Variants in SH3GL2 observed in about 807,000 individuals in gnomAD.
The protein encoded by SH3GL2 is endophilin-A1.
In SH3GL2, 24 loss-of-function variants were observed where a neutral mutation model predicts 46.0. The ratio of observed to expected loss-of-function variants is 0.52; its 90% CI spans 0.38 to 0.73. The LOEUF (loss-of-function observed/expected upper bound fraction) is 0.73. Ranked by LOEUF, SH3GL2 falls within the 30% of genes least tolerant of loss-of-function variation. SH3GL2 has a pLI of 0.00. For missense variants in SH3GL2, 413 were observed against 424.2 expected, an observed-to-expected ratio of 0.97 and a Z score of 0.23; for synonymous variants, 196 against 147.1, an observed-to-expected ratio of 1.33 and a Z score of -2.40.
intron 1 of SH3GL2, among the ~76,000 whole-genome samples, chr9:17,737,756 C>T (rs1338847643): frequency 1.1e-4 from 17 of 152,094 alleles, no homozygotes; most frequent in Admixed American, 1.0e-3. Flanking sequence ...AGGGTTCCTT[C>T]CTTGACTCAG....
intron 1 of SH3GL2, chr9:17,735,638 A>G: frequency 4.3e-6 from 1 of 234,862 alleles, no homozygotes; most frequent in South Asian, 1.6e-4. Flanking sequence ...ACTTGAGCAT[A>G]TAAGATTTTG....
chr9:17,687,300 G>A (rs1481104865), intron 1 of SH3GL2, among the ~76,000 whole-genome samples: 1 of 152,030 alleles, frequency 6.6e-6, no homozygotes, highest in Non-Finnish European at 1.5e-5. Context: ...GGTATTGAAA[G>A]TTTGCAGTTC....
At chr9:17,672,132 A>G (rs1357211205) in intron 1 of SH3GL2, among the ~76,000 whole-genome samples, 1 of 152,302 alleles carries the variant, frequency 6.6e-6, no homozygotes, top group Middle Eastern at 3.4e-3. Context: ...GGTAAATACA[A>G]TTGTTTAAAG....
chr9:17,784,270 A>C (rs1823894507), intron 3 of SH3GL2, among the ~76,000 whole-genome samples: 1 of 152,204 alleles, frequency 6.6e-6, no homozygotes, highest in African/African-American at 2.4e-5. Flanking sequence ...ATGTGTTTGA[A>C]AATCAGCCAC....
At chr9:17,726,260 A>G (rs1331736289) in intron 1 of SH3GL2, among the ~76,000 whole-genome samples, 1 of 152,100 alleles carries the variant, frequency 6.6e-6, no homozygotes, top group African/African-American at 2.4e-5. Context: ...AGTGACATTT[A>G]GCTTATCTGA....
chr9:17,717,444 C>G (rs1007389864), intron 1 of SH3GL2, among the ~76,000 whole-genome samples: 3 of 151,958 alleles, frequency 2.0e-5, no homozygotes, highest in African/African-American at 7.3e-5. Flanking sequence ...CTTTTGCCCT[C>G]TTCCTTCCCA....
chr9:17,581,700 A>G (rs1205704765), intron 1 of SH3GL2, among the ~76,000 whole-genome samples: 4 of 152,120 alleles, frequency 2.6e-5, no homozygotes, highest in Middle Eastern at 3.4e-3. Context: ...TTGTTTGTTT[A>G]TTTATTTATT....
intron 1 of SH3GL2, among the ~76,000 whole-genome samples, chr9:17,612,745 C>G (rs1818898093): frequency 6.6e-6 from 1 of 152,158 alleles, no homozygotes; most frequent in Non-Finnish European, 1.5e-5. Context: ...GTGTTCACAG[C>G]CTTGTGCACC....
chr9:17,643,331 C>T (rs1046870975), intron 1 of SH3GL2, among the ~76,000 whole-genome samples: 2 of 152,170 alleles, frequency 1.3e-5, no homozygotes, highest in Non-Finnish European at 2.9e-5. Flanking sequence ...ATGTCATCTG[C>T]AGACAATAGT....
At chr9:17,681,347 C>CT (rs1820761667) in intron 1 of SH3GL2, among the ~76,000 whole-genome samples, 1 of 152,004 alleles carries the variant, frequency 6.6e-6, no homozygotes, top group African/African-American at 2.4e-5. Flanking sequence ...TTTTTGTTCT[C>CT]TTTTTCTTTG....
intron 1 of SH3GL2, among the ~76,000 whole-genome samples, chr9:17,725,524 G>C (rs1821999908): frequency 6.6e-6 from 1 of 152,124 alleles, no homozygotes; most frequent in African/African-American, 2.4e-5. Flanking sequence ...TCCTCAGTCA[G>C]CAAGGCAGAA....
intron 1 of SH3GL2, among the ~76,000 whole-genome samples, chr9:17,582,808 C>G (rs145165362): frequency 7.2e-4 from 110 of 152,266 alleles, no homozygotes; most frequent in African/African-American, 2.6e-3. Context: ...TTCGAGGCTG[C>G]CTTCTTAGCT....
At chr9:17,650,652 C>T (rs1232426643) in intron 1 of SH3GL2, among the ~76,000 whole-genome samples, 2 of 152,262 alleles carry the variant, frequency 1.3e-5, no homozygotes, top group Non-Finnish European at 2.9e-5. Flanking sequence ...TCACCACGCT[C>T]GGCCTTGTCT....
intron 1 of SH3GL2, among the ~76,000 whole-genome samples, chr9:17,704,175 C>G (rs980392070): frequency 6.6e-6 from 1 of 151,208 alleles, no homozygotes; most frequent in African/African-American, 2.5e-5. Context: ...AAACCAAGAA[C>G]ACACTCCCAT....
intron 1 of SH3GL2, among the ~76,000 whole-genome samples, chr9:17,687,130 A>T (rs926218387): frequency 4.6e-5 from 7 of 152,118 alleles, no homozygotes; most frequent in Non-Finnish European, 1.0e-4. Context: ...AAAAAATTCT[A>T]AGCCTTTAAA....
chr9:17,695,487 T>C (rs1023012564), intron 1 of SH3GL2, among the ~76,000 whole-genome samples: 2 of 152,076 alleles, frequency 1.3e-5, no homozygotes, highest in South Asian at 2.1e-4. Context: ...AGGTTTTCGG[T>C]GTCACATAAT....
At chr9:17,730,884 G>T (rs565337896) in intron 1 of SH3GL2, among the ~76,000 whole-genome samples, 1 of 152,104 alleles carries the variant, frequency 6.6e-6, no homozygotes, top group Non-Finnish European at 1.5e-5. Context: ...AATATGCTGT[G>T]TAAGGAGAGG....
chr9:17,675,361 A>G lies in SH3GL2; in HGVS notation c.46-71705A>G, dbSNP rs369628892. ...GGAAGTGAAAGACAGTCATTTACCT[A>G]ATGCTCTGAACATCTTTCTTGAGAT... On this transcript the variant is annotated intron_variant, in intron 1 of 8. Coordinates refer to ENST00000380607, the MANE Select transcript of SH3GL2 (RefSeq NM_003026.5). 4.6e-5 allele frequency among the ~76,000 whole-genome samples: 7 copies of G among 152,318 alleles called. No homozygotes were observed. The South Asian group carries it at 1.5e-3, about 32-fold the overall frequency.
chr9:17,646,802 G>A (rs1819829912), intron 1 of SH3GL2, among the ~76,000 whole-genome samples: 1 of 152,178 alleles, frequency 6.6e-6, no homozygotes, highest in Non-Finnish European at 1.5e-5. Context: ...TTTATGAGAT[G>A]TCTGTCGACC....
Sources: gnomAD v4.1 joint callset for allele counts (sites outside exome capture counted in the v4.1 genomes callset) on GRCh38, gnomAD v4.1.1 for gene constraint, MANE v1.5 for transcripts, NCBI Gene and HGNC (gene_info 2026-07-23, HGNC 2026-07-21) for gene names.